The following MARCHF1 variants were observed in gnomAD, a reference collection of about 807,000 sequenced individuals.
MARCHF1 encodes membrane associated ring-CH-type finger 1, also known as E3 ubiquitin-protein ligase MARCHF1.
In MARCHF1, 40 loss-of-function variants were observed where a neutral mutation model predicts 54.2. The observed-to-expected ratio is 0.74, with a 90% CI of 0.57 to 0.96. MARCHF1 has a LOEUF of 0.96. Ranked by LOEUF, MARCHF1 falls within the 40% of genes least tolerant of loss-of-function variation. The pLI, the probability that MARCHF1 is intolerant of heterozygous loss-of-function variation, is 0.00. For synonymous variants in MARCHF1, 236 were observed against 236.3 expected (o/e 1.00, Z 0.01); for missense variants, 586 against 656.5 (o/e 0.89, Z 1.17).
At chr4:163,836,670 C>T (rs1749195922) in intron 4 of MARCHF1, among the ~76,000 whole-genome samples, 1 of 137,326 alleles carries the variant, frequency 7.3e-6, no homozygotes, top group Admixed American at 7.5e-5. Context: ...AATAAGGAAA[C>T]AGAGGGTCCA....
chr4:164,358,467 A>G (rs769392822), intron 1 of MARCHF1, among the ~76,000 whole-genome samples: 21 of 152,172 alleles, frequency 1.4e-4, no homozygotes, highest in Admixed American at 6.6e-4. Context: ...AAGAAACAGA[A>G]TTGCAAGAAT....
chr4:164,237,399 A>G (rs1732593769), intron 1 of MARCHF1, among the ~76,000 whole-genome samples: 1 of 152,048 alleles, frequency 6.6e-6, no homozygotes, highest in African/African-American at 2.4e-5. Context: ...GCATTGCTCT[A>G]TGCTGCTGCT....
At chr4:163,810,503 C>A (rs77142621) in intron 4 of MARCHF1, among the ~76,000 whole-genome samples, 3,625 of 152,194 alleles carry the variant, frequency 0.024, 65 homozygotes, top group East Asian at 0.074. Flanking sequence ...TCTCTTCCTC[C>A]CTAGTCAGCA....
chr4:164,008,489 C>T (rs987502182), intron 2 of MARCHF1, among the ~76,000 whole-genome samples: 1 of 152,048 alleles, frequency 6.6e-6, no homozygotes, highest in African/African-American at 2.4e-5. Context: ...ATAGACCTAA[C>T]TGGCATTTAC....
chr4:164,260,140 C>T (rs1178969527), intron 1 of MARCHF1, among the ~76,000 whole-genome samples: 1 of 152,090 alleles, frequency 6.6e-6, no homozygotes, highest in East Asian at 1.9e-4. Context: ...AAAGTTTTAT[C>T]TTTTCTCCTA....
rs568436841 is a variant in MARCHF1 at position 164,211,086 on chromosome 4, G to C, written c.-322-99424C>G. Among the ~76,000 whole-genome samples, 6 of 151,994 alleles carry C rather than the reference G, an allele frequency of 3.9e-5. No individual in the cohort carries two copies. In the South Asian group the frequency reaches 1.2e-3, roughly 31 times the overall value. On this transcript the variant is annotated intron_variant, in intron 1 of 9. Coordinates refer to ENST00000514618, the MANE Select transcript of MARCHF1 (RefSeq NM_001394959.1). The stretch of plus-strand genomic sequence containing the variant: ...GAGTATGGGGAAAGGGGAGAGGTTG[G>C]TCAAAGGGTACAAAGTTCCTCTTAG...
chr4:163,624,961 G>A (rs911865718), intron 5 of MARCHF1, among the ~76,000 whole-genome samples: 1 of 152,034 alleles, frequency 6.6e-6, no homozygotes, highest in Non-Finnish European at 1.5e-5. Flanking sequence ...TTATCAAAAG[G>A]CTTCAGTGGT....
intron 5 of MARCHF1, among the ~76,000 whole-genome samples, chr4:163,615,548 G>C (rs4561889): frequency 0.41 from 61,881 of 151,624 alleles, 13,415 homozygotes; most frequent in East Asian, 0.56. Flanking sequence ...ACAATGGAAA[G>C]TACAAAACAG....
intron 1 of MARCHF1, among the ~76,000 whole-genome samples, chr4:164,250,332 A>G (rs985560174): frequency 1.3e-5 from 2 of 152,094 alleles, no homozygotes; most frequent in East Asian, 1.9e-4. Context: ...TAACTGTTAC[A>G]TCTCAAGGAT....
At chr4:163,921,670 G>A (rs2111364823) in intron 3 of MARCHF1, among the ~76,000 whole-genome samples, 1 of 152,078 alleles carries the variant, frequency 6.6e-6, no homozygotes, top group Non-Finnish European at 1.5e-5. Flanking sequence ...CTATGATAAA[G>A]GTGATATCAT....
intron 1 of MARCHF1, among the ~76,000 whole-genome samples, chr4:164,280,909 A>T (rs895850151): frequency 2.0e-5 from 3 of 152,120 alleles, no homozygotes; most frequent in African/African-American, 7.2e-5. Flanking sequence ...TTCTATTAGA[A>T]CAAACATTTC....
intron 2 of MARCHF1, among the ~76,000 whole-genome samples, chr4:164,068,637 C>G (rs1373170591): frequency 6.6e-6 from 1 of 152,164 alleles, no homozygotes; most frequent in African/African-American, 2.4e-5. Flanking sequence ...GAGCCTCCCC[C>G]ACCTGCCATG....
intron 4 of MARCHF1, among the ~76,000 whole-genome samples, chr4:163,748,699 C>A (rs1348765048): frequency 3.3e-5 from 5 of 152,200 alleles, no homozygotes. Context: ...GCCTTTCAAG[C>A]CTATGTGAGC....
chr4:163,791,768 T>C (rs1471977831), intron 4 of MARCHF1, among the ~76,000 whole-genome samples: 2 of 152,168 alleles, frequency 1.3e-5, no homozygotes, highest in Admixed American at 6.6e-5. Flanking sequence ...TTAGGTTCCA[T>C]GTCCAACAAA....
intron 4 of MARCHF1, among the ~76,000 whole-genome samples, chr4:163,793,340 C>A (rs1479294068): frequency 6.6e-6 from 1 of 152,096 alleles, no homozygotes; most frequent in Admixed American, 6.6e-5. Flanking sequence ...AAAATCACTT[C>A]TTGGGAACTG....
intron 5 of MARCHF1, among the ~76,000 whole-genome samples, chr4:163,665,431 T>C (rs1007123018): frequency 2.6e-5 from 4 of 152,106 alleles, no homozygotes; most frequent in African/African-American, 7.2e-5. Context: ...CTGTCTAGTC[T>C]TTCCATCTTA....
intron 9 of MARCHF1, among the ~76,000 whole-genome samples, chr4:163,543,293 G>C (rs1738781213): frequency 1.3e-5 from 2 of 152,046 alleles, no homozygotes; most frequent in Admixed American, 6.6e-5. Flanking sequence ...GGTAGCCATA[G>C]GGAAGGAAAG....
chr4:163,590,233 A>T, intron 7 of MARCHF1, among the ~76,000 whole-genome samples: 2 of 149,476 alleles, frequency 1.3e-5, no homozygotes, highest in African/African-American at 4.9e-5. Flanking sequence ...TTTCTTCATA[A>T]GTTTTTTTTT....
At chr4:164,360,277 C>T (rs1017857542) in intron 1 of MARCHF1, among the ~76,000 whole-genome samples, 25 of 151,978 alleles carry the variant, frequency 1.6e-4, no homozygotes, top group Non-Finnish European at 3.4e-4. Flanking sequence ...GGCTATCTTG[C>T]GAGGTTTCCC....
Sources: gnomAD v4.1 joint callset for allele counts (sites outside exome capture counted in the v4.1 genomes callset) on GRCh38, gnomAD v4.1.1 for gene constraint, MANE v1.5 for transcripts, NCBI Gene and HGNC (gene_info 2026-07-23, HGNC 2026-07-21) for gene names.